NEK11: variants seen among roughly 807,000 people sequenced by gnomAD.
NEK11 encodes the protein NIMA related kinase 11.
Under a neutral mutation model 80.7 loss-of-function variants are expected in NEK11, and 72 were observed. The observed-to-expected ratio is 0.89, with a 90% CI of 0.74 to 1.08. The LOEUF (loss-of-function observed/expected upper bound fraction) is 1.08, where lower values mean the gene tolerates loss of function less well. Ranked by LOEUF, NEK11 falls within the 50% of genes least tolerant of loss-of-function variation. NEK11 has a pLI of 0.00. For missense variants in NEK11, 764 were observed against 763.6 expected (o/e 1.00, Z -0.01); for synonymous variants, 251 against 260.7 (o/e 0.96, Z 0.36).
chr3:131,132,631 C>G (rs2084704235), intron 5 of NEK11, 114 bp from the exon 6 acceptor site: 1 of 601,070 alleles, frequency 1.7e-6, no homozygotes. Flanking sequence ...AAAGATATAT[C>G]TATGGGAGTA....
chr3:131,348,369 C>T (rs1231124172), intron 17 of NEK11, among the ~76,000 whole-genome samples: 12 of 151,756 alleles, frequency 7.9e-5, no homozygotes, highest in South Asian at 6.2e-4. Context: ...CGTGAAGAAC[C>T]GCAAAACAAA....
At chr3:131,346,977 G>A (rs1286419955) in intron 17 of NEK11, among the ~76,000 whole-genome samples, 2 of 152,224 alleles carry the variant, frequency 1.3e-5, no homozygotes, top group Non-Finnish European at 2.9e-5. Context: ...AGAGTACAAG[G>A]TGGAAGAAAG....
intron 17 of NEK11, among the ~76,000 whole-genome samples, chr3:131,293,398 T>G: frequency 6.6e-6 from 1 of 152,144 alleles, no homozygotes; most frequent in East Asian, 1.9e-4. Context: ...CATTAATTGA[T>G]TTTTGAACAC....
chr3:131,217,281 G>T (rs969149880), intron 14 of NEK11, among the ~76,000 whole-genome samples: 44 of 152,120 alleles, frequency 2.9e-4, no homozygotes, highest in African/African-American at 1.0e-3. Context: ...AGAAGAGTCA[G>T]TTTTTTTTCT....
chr3:131,338,277 T>G (rs1011764021), intron 17 of NEK11, among the ~76,000 whole-genome samples: 6 of 146,100 alleles, frequency 4.1e-5, no homozygotes, highest in African/African-American at 7.9e-5. Flanking sequence ...TTTTTTTTTT[T>G]TTTTTTTTTT....
At chr3:131,206,248 ATGAC>A (rs1161778387) in intron 14 of NEK11, among the ~76,000 whole-genome samples, 3 of 152,364 alleles carry the variant, frequency 2.0e-5, no homozygotes, top group Admixed American at 2.0e-4. Context: ...TTTTCTGAGA[ATGAC>A]TGAGGAGAAC....
rs532105089 is a variant in NEK11, at chr3:131,064,170, G to T, written c.171-16253G>T. 2.6e-5 allele frequency among the ~76,000 whole-genome samples: 4 copies of T among 152,290 alleles called. No homozygotes were observed. The East Asian group carries it at 7.7e-4, about 29-fold the overall frequency. Reference sequence around the variant, plus strand: ...GTGGTTGCCAGGGGCTATGGAGAGTGGGAATGGGTAGTGATTGCTGATGGA... The same window carrying T: ...GTGGTTGCCAGGGGCTATGGAGAGTTGGAATGGGTAGTGATTGCTGATGGA... On this transcript the variant is annotated intron_variant, in intron 3 of 17. Transcript: ENST00000383366.
chr3:131,333,104 G>A (rs1301508569), intron 17 of NEK11, among the ~76,000 whole-genome samples: 2 of 151,950 alleles, frequency 1.3e-5, no homozygotes, highest in Non-Finnish European at 2.9e-5. Flanking sequence ...TCAGATTCAG[G>A]AAATACAGAG....
intron 15 of NEK11, among the ~76,000 whole-genome samples, chr3:131,238,752 GCATAGTGAGCAAAAAGAT>G (rs1040591779): frequency 6.6e-6 from 1 of 152,110 alleles, no homozygotes; most frequent in African/African-American, 2.4e-5. Context: ...TCCAGAAACT[GCATAGTGAGCAAAAAGAT>G]CATAGTGAGC....
intron 17 of NEK11, among the ~76,000 whole-genome samples, chr3:131,287,418 C>G (rs2096486813): frequency 6.6e-6 from 1 of 152,130 alleles, no homozygotes; most frequent in South Asian, 2.1e-4. Context: ...GGATTACAGG[C>G]ATGCGCCACC....
At chr3:131,218,370 CA>C (rs2094911732) in intron 14 of NEK11, among the ~76,000 whole-genome samples, 2 of 152,178 alleles carry the variant, frequency 1.3e-5, no homozygotes, top group South Asian at 4.1e-4. Context: ...TCTGCTCACA[CA>C]GGGAGCTCTG....
chr3:131,319,327 T>C (rs2096875053), intron 17 of NEK11, among the ~76,000 whole-genome samples: 1 of 152,178 alleles, frequency 6.6e-6, no homozygotes, highest in Admixed American at 6.5e-5. Context: ...TGGCACTCAC[T>C]AGGCACATCA....
At chr3:131,149,898 T>G (rs1227866148) in intron 7 of NEK11, among the ~76,000 whole-genome samples, 1 of 151,988 alleles carries the variant, frequency 6.6e-6, no homozygotes, top group Non-Finnish European at 1.5e-5. Context: ...TGATTTGCTG[T>G]TTTTTTAACT....
intron 5 of NEK11, among the ~76,000 whole-genome samples, chr3:131,116,799 C>G (rs1288892147): frequency 2.6e-5 from 4 of 152,164 alleles, no homozygotes; most frequent in African/African-American, 9.7e-5. Flanking sequence ...TGTTCATATC[C>G]TTTGCCCACT....
intron 17 of NEK11, among the ~76,000 whole-genome samples, chr3:131,296,360 T>C (rs1290032445): frequency 6.6e-6 from 1 of 152,174 alleles, no homozygotes; most frequent in African/African-American, 2.4e-5. Flanking sequence ...GGTTGTCTGT[T>C]AGATTAAGAA....
chr3:131,142,753 A>G (rs1026477762), intron 7 of NEK11, among the ~76,000 whole-genome samples: 2 of 152,100 alleles, frequency 1.3e-5, no homozygotes, highest in African/African-American at 4.8e-5. Flanking sequence ...CTCTTCTGCC[A>G]CCCTGTGGTC....
intron 4 of NEK11, among the ~76,000 whole-genome samples, chr3:131,093,243 A>G (rs918761537): frequency 6.6e-6 from 1 of 152,228 alleles, no homozygotes; most frequent in Admixed American, 6.5e-5. Context: ...CTTCTTACCA[A>G]TAAGAAGGGA....
intron 14 of NEK11, among the ~76,000 whole-genome samples, chr3:131,196,172 A>T (rs1002512543): frequency 6.6e-6 from 1 of 152,170 alleles, no homozygotes; most frequent in Non-Finnish European, 1.5e-5. Flanking sequence ...TTCCAGAGAT[A>T]TGCAATGATA....
At chr3:131,273,695 G>T (rs2096242392) in intron 17 of NEK11, 121 bp downstream of exon 17, 1 of 686,194 alleles carries the variant, frequency 1.5e-6, no homozygotes. Flanking sequence ...AAATACCTGG[G>T]ACTAAGCTGT....
Sources: allele counts gnomAD v4.1 joint callset (sites outside exome capture counted in the v4.1 genomes callset), GRCh38; gene constraint gnomAD v4.1.1; transcripts MANE v1.5; gene names NCBI Gene and HGNC (gene_info 2026-07-23, HGNC 2026-07-21).